SYNE1: variants seen among roughly 807,000 people sequenced by gnomAD.
SYNE1 encodes the protein nesprin-1.
A neutral mutation model predicts 1,111.0 loss-of-function variants in SYNE1; 616 were observed. The observed-to-expected ratio is 0.55, with a 90% CI of 0.52 to 0.59. The LOEUF is 0.59. Among genes scored for constraint, SYNE1 ranks in the 20% least tolerant of loss-of-function variants. SYNE1 has a pLI of 0.00. For missense variants in SYNE1, 10,006 were observed against 10,417.0 expected (o/e 0.96, Z 1.72); for synonymous variants, 3,855 against 3,825.8 (o/e 1.01, Z -0.28).
intron 120 of SYNE1, 36 bp from the exon 121 acceptor site, chr6:152,218,439 A>T (rs757869490): frequency 2.2e-6 from 2 of 897,698 alleles, no homozygotes; most frequent in East Asian, 7.6e-5. Context: ...ATTTCAGTTA[A>T]AAAAAAAAAA....
intron 4 of SYNE1, among the ~76,000 whole-genome samples, chr6:152,538,454 A>G (rs1158441475): frequency 6.6e-6 from 1 of 152,194 alleles, no homozygotes; most frequent in Non-Finnish European, 1.5e-5. Context: ...AACCACTTAT[A>G]TGAAACTGTG....
At chr6:152,438,680 G>A (rs1412827372) in intron 32 of SYNE1, among the ~76,000 whole-genome samples, 1 of 152,106 alleles carries the variant, frequency 6.6e-6, no homozygotes, top group Non-Finnish European at 1.5e-5. Context: ...GATTAAACAT[G>A]ACATTGCTAT....
chr6:152,492,852 G>A (rs2098978656), intron 11 of SYNE1, among the ~76,000 whole-genome samples: 1 of 152,118 alleles, frequency 6.6e-6, no homozygotes, highest in African/African-American at 2.4e-5. Context: ...TAACTGTTGT[G>A]GATATTGATG....
Position 152,293,958 on chromosome 6 carries a change from A to G in SYNE1, c.17850+2T>C. 1 of 1,614,090 alleles carries G rather than the reference A, an allele frequency of 6.2e-7. No individual in the cohort carries two copies. Among genetic ancestry groups the G allele is most frequent in the African/African-American group, 1.3e-5 (1 of 75,030 alleles). On this transcript the variant is annotated splice_donor_variant, in intron 94 of 145. Transcript: ENST00000367255. LOFTEE classifies it high-confidence loss of function. Reference sequence around the variant, plus strand: ...ATAAACTAGTCCACCTTGAAGACTTACCACATTCTTTAAGGTTTCCCAAGA... The same window carrying G: ...ATAAACTAGTCCACCTTGAAGACTTGCCACATTCTTTAAGGTTTCCCAAGA...
rs193153428 is a variant in SYNE1 at position 152,560,038 on chromosome 6, A to C, written c.68-20017T>G. 1.1e-4 allele frequency among the ~76,000 whole-genome samples: 17 copies of C among 152,208 alleles called. No individual in the cohort carries two copies. In the East Asian group the frequency reaches 2.1e-3, roughly 19 times the overall value. On this transcript the variant is annotated intron_variant, in intron 3 of 145. Transcript: ENST00000367255. ...AAATGGATAAATTCCAGACACGTAC[A>C]ATCTACCAAAACTGAATCAAGAAGA...
At chr6:152,375,511 A>C (rs542074469) in intron 58 of SYNE1, among the ~76,000 whole-genome samples, 1 of 152,298 alleles carries the variant, frequency 6.6e-6, no homozygotes, top group African/African-American at 2.4e-5. Context: ...AATTTCAATA[A>C]CTGTGCTTAA....
chr6:152,168,143 T>G (rs751038877), intron 130 of SYNE1: 1 of 779,174 alleles, frequency 1.3e-6, no homozygotes, highest in South Asian at 1.3e-5. Flanking sequence ...ATCTGGGAGA[T>G]CTGCATCCAC....
intron 95 of SYNE1, among the ~76,000 whole-genome samples, chr6:152,290,322 C>T (rs764237764): frequency 2.0e-5 from 3 of 152,198 alleles, no homozygotes; most frequent in Non-Finnish European, 2.9e-5. Context: ...TTTGGGAGGC[C>T]GAGGTAAGTG....
chr6:152,326,031 T>C lies in SYNE1; in HGVS notation c.15365A>G (p.Lys5122Arg). Residue 5122 changes from lysine to arginine, a missense_variant, in exon 80 of 146, where the codon AAG becomes AGG. Lys to Arg is a conservative substitution (Grantham distance 26). Around this residue, in one of 7 missense-constraint regions of SYNE1, gnomAD observed 4,955 missense variants for 5,017.2 expected, o/e 0.99. Coordinates refer to ENST00000367255, the MANE Select transcript of SYNE1 (RefSeq NM_182961.4). ...CAACAAAGAAAACTCAGACAATTTC[T>C]TTTCTGTATCATTCATCAATTCAAT... ...EVIELMNDTE[K>R]KLSEFSLLKT... The C allele has an allele frequency of 6.2e-7, 1 of 1,614,222 alleles. No individual in the cohort carries two copies. The highest frequency in any genetic ancestry group is 8.5e-7 in the Non-Finnish European group (1 of 1,180,040).
Position 152,380,791 on chromosome 6 carries a change from T to C in SYNE1, c.9009+215A>G, listed in dbSNP as rs1264959661. 2.6e-5 allele frequency among the ~76,000 whole-genome samples: 4 copies of C among 152,238 alleles called. No homozygotes were observed. In the East Asian group the frequency reaches 7.7e-4, roughly 29 times the overall value. On this transcript the variant is annotated intron_variant, in intron 56 of 145. Coordinates refer to ENST00000367255, the MANE Select transcript of SYNE1 (RefSeq NM_182961.4). ...GTCTCCACTAACAACAAATGTTTCC[T>C]ACCGCAAATAATAACCCAAATCTTT...
chr6:152,140,262 G>C, intron 139 of SYNE1, 101 bp from the exon 140 acceptor site: 1 of 1,177,970 alleles, frequency 8.5e-7, no homozygotes, highest in Non-Finnish European at 1.3e-6. Flanking sequence ...AATAGCAACA[G>C]AAAGAAAAGT....
chr6:152,385,035 T>C (rs898210396), intron 55 of SYNE1, among the ~76,000 whole-genome samples: 2 of 152,206 alleles, frequency 1.3e-5, no homozygotes. Context: ...CATTTCCTCC[T>C]CTAAAACTAA....
At chr6:152,551,259 A>G (rs1047301837) in intron 3 of SYNE1, among the ~76,000 whole-genome samples, 6 of 152,202 alleles carry the variant, frequency 3.9e-5, no homozygotes, top group Non-Finnish European at 8.8e-5. Context: ...AGAGAAGACC[A>G]TTAACTCGGA....
Position 152,326,055 on chromosome 6 carries a change from A to G in SYNE1, c.15341T>C (p.Ile5114Thr), listed in dbSNP as rs781723465. The G allele has an allele frequency of 2.5e-6, 4 of 1,614,190 alleles. No individual in the cohort carries two copies. Among genetic ancestry groups the G allele is most frequent in the Non-Finnish European group, 3.4e-6 (4 of 1,180,026 alleles). ...CTTTTCTGTATCATTCATCAATTCA[A>G]TAACCTCTTCCCTTGCTTTCTGGTA... Reference protein sequence around the residue: ...HDYQKAREEVIELMNDTEKKL... With the variant: ...HDYQKAREEVTELMNDTEKKL... The change falls in exon 80 of 146, where the codon ATT becomes ACT. Residue 5114 changes from isoleucine (I) to threonine (T), a missense_variant. Around this residue, in one of 7 missense-constraint regions of SYNE1, gnomAD observed 4,955 missense variants for 5,017.2 expected, o/e 0.99. Transcript: ENST00000367255.
At chr6:152,634,347 C>T (rs1555071410) in intron 2 of SYNE1, among the ~76,000 whole-genome samples, 1 of 152,152 alleles carries the variant, frequency 6.6e-6, no homozygotes, top group Non-Finnish European at 1.5e-5. Flanking sequence ...ATAAGAATAG[C>T]ACTAATATTG....
intron 19 of SYNE1, 83 bp downstream of exon 19, chr6:152,463,270 A>G (rs926975582): frequency 1.9e-6 from 3 of 1,596,384 alleles, no homozygotes; most frequent in Admixed American, 1.7e-5. Context: ...CCGTGCTCTA[A>G]AAATAGCATT....
At chr6:152,437,846 A>G (rs1564015322) in intron 32 of SYNE1, among the ~76,000 whole-genome samples, 1 of 152,190 alleles carries the variant, frequency 6.6e-6, no homozygotes, top group Admixed American at 6.5e-5. Flanking sequence ...CATCTCCTAG[A>G]ACATAGTACC....
chr6:152,162,297 T>C (rs949887853), intron 131 of SYNE1, among the ~76,000 whole-genome samples: 2 of 152,210 alleles, frequency 1.3e-5, no homozygotes, highest in African/African-American at 4.8e-5. Flanking sequence ...ATCTATCCAC[T>C]TTCTATCTTG....
At chr6:152,438,831 G>A (rs1039199066) in intron 32 of SYNE1, among the ~76,000 whole-genome samples, 3 of 152,164 alleles carry the variant, frequency 2.0e-5, no homozygotes, top group African/African-American at 7.2e-5. Context: ...AACTACAGGA[G>A]AACAATGATT....
Sources: allele counts gnomAD v4.1 joint callset (sites outside exome capture counted in the v4.1 genomes callset), GRCh38; gene constraint gnomAD v4.1.1; regional missense constraint gnomAD v4.1.1; transcripts MANE v1.5; gene names NCBI Gene and HGNC (gene_info 2026-07-23, HGNC 2026-07-21).